The following FHIT variants were observed in gnomAD, a reference collection of about 807,000 sequenced individuals.
The protein encoded by FHIT is fragile histidine triad diadenosine triphosphatase.
Under a neutral mutation model 17.9 loss-of-function variants are expected in FHIT, and 19 were observed. That is an observed-to-expected ratio of 1.06 (90% CI 0.74 to 1.56). The LOEUF is 1.56. Ranked by LOEUF, FHIT falls within the 40% of genes most tolerant of loss-of-function variation. FHIT has a pLI of 0.00. For synonymous variants in FHIT, 81 were observed against 69.7 expected (o/e 1.16, Z -0.81); for missense variants, 248 against 189.2 (o/e 1.31, Z -1.82).
At chr3:60,923,687 A>C (rs147875158) in intron 3 of FHIT, among the ~76,000 whole-genome samples, 3,409 of 152,190 alleles carry the variant, frequency 0.022, 143 homozygotes, top group African/African-American at 0.078. Context: ...GGTTCATCTC[A>C]CTGAGGAGTG....
At chr3:60,918,856 T>C (rs1344768169) in intron 3 of FHIT, among the ~76,000 whole-genome samples, 1 of 152,256 alleles carries the variant, frequency 6.6e-6, no homozygotes, top group African/African-American at 2.4e-5. Context: ...TAGTAACACT[T>C]GCCAATCTGA....
At chr3:60,728,353 A>G (rs578246251) in intron 4 of FHIT, among the ~76,000 whole-genome samples, 53 of 152,304 alleles carry the variant, frequency 3.5e-4, no homozygotes, top group African/African-American at 1.2e-3. Context: ...TTTAATGCTC[A>G]TTAATCTTTC....
At chr3:60,123,104 A>C (rs1705333391) in intron 5 of FHIT, among the ~76,000 whole-genome samples, 1 of 152,178 alleles carries the variant, frequency 6.6e-6, no homozygotes, top group South Asian at 2.1e-4. Context: ...GCCTATATTA[A>C]AGTAGGCTTA....
chr3:60,252,754 G>A (rs920983264), intron 5 of FHIT, among the ~76,000 whole-genome samples: 1 of 152,008 alleles, frequency 6.6e-6, no homozygotes, highest in Non-Finnish European at 1.5e-5. Context: ...ACTTTGGGAG[G>A]CCGAGGCCGG....
chr3:60,055,762 A>C (rs1297338949), intron 5 of FHIT, among the ~76,000 whole-genome samples: 1 of 152,182 alleles, frequency 6.6e-6, no homozygotes, highest in Non-Finnish European at 1.5e-5. Flanking sequence ...ATGACTTGCC[A>C]ACAGTCACAC....
intron 4 of FHIT, among the ~76,000 whole-genome samples, chr3:60,582,268 G>A (rs1241982040): frequency 1.3e-5 from 2 of 152,208 alleles, no homozygotes; most frequent in South Asian, 2.1e-4. Flanking sequence ...CCTGTCCCAT[G>A]TGGGGGGCGA....
chr3:60,151,733 G>T (rs1700473283), intron 5 of FHIT, among the ~76,000 whole-genome samples: 1 of 152,048 alleles, frequency 6.6e-6, no homozygotes, highest in Non-Finnish European at 1.5e-5. Context: ...GCCTGCAATT[G>T]TTTTCCTCTT....
intron 5 of FHIT, among the ~76,000 whole-genome samples, chr3:60,319,244 C>A (rs1709307576): frequency 6.6e-6 from 1 of 152,056 alleles, no homozygotes; most frequent in Admixed American, 6.6e-5. Context: ...AATACTAGTT[C>A]ATTCTTTGTT....
intron 3 of FHIT, among the ~76,000 whole-genome samples, chr3:60,970,465 T>A (rs966079357): frequency 6.6e-6 from 1 of 152,158 alleles, no homozygotes; most frequent in African/African-American, 2.4e-5. Flanking sequence ...TTAATATAAT[T>A]AAGGTTATAT....
At chr3:59,922,619 A>G (rs1705463871) in intron 7 of FHIT, among the ~76,000 whole-genome samples, 1 of 152,168 alleles carries the variant, frequency 6.6e-6, no homozygotes, top group Non-Finnish European at 1.5e-5. Context: ...AACTTGGGGT[A>G]TATATGAGAG....
intron 5 of FHIT, among the ~76,000 whole-genome samples, chr3:60,318,196 T>A (rs938188118): frequency 3.3e-5 from 5 of 152,194 alleles, no homozygotes; most frequent in African/African-American, 1.2e-4. Flanking sequence ...ATTAAAATGT[T>A]TGAAAATAAG....
chr3:59,970,803 T>C (rs1485376677), intron 7 of FHIT, among the ~76,000 whole-genome samples: 1 of 151,352 alleles, frequency 6.6e-6, no homozygotes, highest in Non-Finnish European at 1.5e-5. Flanking sequence ...GAATTAATGC[T>C]TGGGATGCAA....
intron 5 of FHIT, among the ~76,000 whole-genome samples, chr3:60,466,835 T>C (rs903228911): frequency 3.3e-5 from 5 of 151,698 alleles, no homozygotes; most frequent in Admixed American, 2.6e-4. Context: ...TTTTTTTTTT[T>C]TTTTTTAATG....
intron 3 of FHIT, among the ~76,000 whole-genome samples, chr3:60,872,814 T>C (rs1704468231): frequency 6.6e-6 from 1 of 152,044 alleles, no homozygotes; most frequent in African/African-American, 2.4e-5. Context: ...ATTGCTTAAC[T>C]CCTTTCAGGA....
chr3:60,846,061 T>G (rs1183366033), intron 3 of FHIT, among the ~76,000 whole-genome samples: 1 of 152,200 alleles, frequency 6.6e-6, no homozygotes, highest in African/African-American at 2.4e-5. Flanking sequence ...TCTATATAGA[T>G]AGATTGCCCA....
chr3:60,895,518 T>C (rs1168174518), intron 3 of FHIT, among the ~76,000 whole-genome samples: 1 of 152,220 alleles, frequency 6.6e-6, no homozygotes, highest in Non-Finnish European at 1.5e-5. Context: ...TTGACAATTC[T>C]ACTCTGAATC....
At chr3:61,088,745 G>A (rs1293480084) in intron 2 of FHIT, among the ~76,000 whole-genome samples, 2 of 129,680 alleles carry the variant, frequency 1.5e-5, no homozygotes, top group Non-Finnish European at 3.3e-5. Flanking sequence ...TCTCTAACAC[G>A]AATTTTTAGT....
chr3:61,035,654 A>G (rs1226681739), intron 3 of FHIT, among the ~76,000 whole-genome samples: 1 of 152,188 alleles, frequency 6.6e-6, no homozygotes, highest in African/African-American at 2.4e-5. Flanking sequence ...TAGCTTTCTC[A>G]TATGTAAACT....
intron 7 of FHIT, among the ~76,000 whole-genome samples, chr3:59,998,313 C>T (rs1440030939): frequency 6.6e-6 from 1 of 152,018 alleles, no homozygotes; most frequent in Non-Finnish European, 1.5e-5. Context: ...AAATTTAAAC[C>T]AGGCAGCCCG....
Sources: gnomAD v4.1 joint callset for allele counts (sites outside exome capture counted in the v4.1 genomes callset) on GRCh38, gnomAD v4.1.1 for gene constraint, MANE v1.5 for transcripts, NCBI Gene and HGNC (gene_info 2026-07-23, HGNC 2026-07-21) for gene names.